Variants in ZDHHC11B observed in about 807,000 individuals in gnomAD.
The protein encoded by ZDHHC11B is zDHHC palmitoyltransferase 11B (putative).
Under a neutral mutation model 42.3 loss-of-function variants are expected in ZDHHC11B, and 17 were observed. That is an observed-to-expected ratio of 0.40 (90% CI 0.27 to 0.60). The LOEUF (loss-of-function observed/expected upper bound fraction) is 0.60. Among genes scored for constraint, ZDHHC11B ranks in the 20% least tolerant of loss-of-function variants. The pLI, the probability that ZDHHC11B is intolerant of heterozygous loss-of-function variation, is 0.41. For missense variants in ZDHHC11B, 262 were observed against 463.2 expected (o/e 0.57, Z 3.99); for synonymous variants, 123 against 193.5 (o/e 0.64, Z 3.02).
At chr5:777,949 G>C (rs1026494771) in intron 1 of ZDHHC11B, among the ~76,000 whole-genome samples, 12 of 151,864 alleles carry the variant, frequency 7.9e-5, no homozygotes, top group African/African-American at 2.9e-4. Flanking sequence ...GCGGTCGGCG[G>C]GTCCCGAGCC....
chr5:752,868 T>C (rs1745959599), intron 6 of ZDHHC11B, among the ~76,000 whole-genome samples: 1 of 119,840 alleles, frequency 8.3e-6, no homozygotes, highest in Admixed American at 1.0e-4. Context: ...ATCCTCATCC[T>C]ACTGTCTGGA....
At chr5:762,511 T>C (rs1401828966) in intron 4 of ZDHHC11B, among the ~76,000 whole-genome samples, 3 of 151,828 alleles carry the variant, frequency 2.0e-5, no homozygotes, top group East Asian at 1.9e-4. Context: ...AAGGGAACTT[T>C]AGCTGCACAA....
rs2335598 is a variant in ZDHHC11B, at chr5:751,659, T to G, written c.504-402A>C. On this transcript the variant is annotated intron_variant, in intron 6 of 13. Coordinates refer to ENST00000508859, the MANE Select transcript of ZDHHC11B (RefSeq NM_001351303.2). ...CGTGGGCGTCCACTTGAGAGAGGGC[T>G]CCTGGCCACTGCCCGATGCTGGCCT... Among the ~76,000 whole-genome samples the G allele has an allele frequency of 7.5e-4, 96 of 127,606 alleles. 15 individuals carry two copies. The highest frequency in any genetic ancestry group is 4.0e-3 in the Middle Eastern group (1 of 252). The allele number at this position is 127,606 out of a possible 152,430, so 83.7% of individuals were successfully genotyped here. A position where few individuals can be genotyped will look rare whatever the true frequency, so the allele number is the denominator to read the frequency against.
chr5:761,269 C>T (rs537821148), intron 4 of ZDHHC11B, among the ~76,000 whole-genome samples: 127 of 151,920 alleles, frequency 8.4e-4, no homozygotes, highest in Middle Eastern at 6.8e-3. Context: ...CCGTGCAGCA[C>T]AGGGTTAGTG....
At chr5:758,341 G>GC (rs1325884565) in intron 4 of ZDHHC11B, among the ~76,000 whole-genome samples, 1 of 151,912 alleles carries the variant, frequency 6.6e-6, no homozygotes, top group Non-Finnish European at 1.5e-5. Flanking sequence ...AGCAGGTGAA[G>GC]CTCAGGCTGA....
In ZDHHC11B at chr5:748,526, A is replaced by C; in HGVS notation, c.662T>G (p.Leu221Arg). 1.5e-6 allele frequency: 2 copies of C among 1,364,668 alleles called. No individual in the cohort carries two copies. The highest frequency in any genetic ancestry group is 2.0e-6 in the Non-Finnish European group (2 of 1,024,880). 84.5% of individuals were successfully genotyped at this position (1,364,668 alleles called of 1,614,324 possible). A position where few individuals can be genotyped will look rare whatever the true frequency, so the allele number is the denominator to read the frequency against. ...VKNMNTWLLF[L>R]PLFPVQVQTL... Reference sequence around the variant, plus strand: ...CTGCACCTGCACCGGGAACAGGGGGAGGAACAGCAGCCACGTGTTCATATT... The same window carrying C: ...CTGCACCTGCACCGGGAACAGGGGGCGGAACAGCAGCCACGTGTTCATATT... The change falls in exon 8 of 14, where the codon CTC becomes CGC. Residue 221 changes from leucine to arginine, a missense_variant. Coordinates refer to ENST00000508859, the MANE Select transcript of ZDHHC11B (RefSeq NM_001351303.2).
intron 13 of ZDHHC11B, among the ~76,000 whole-genome samples, chr5:715,679 T>C (rs564613752): frequency 6.6e-6 from 1 of 151,828 alleles, no homozygotes; most frequent in East Asian, 1.9e-4. Flanking sequence ...ACGCCTTTTT[T>C]CTAGAGAACA....
chr5:762,558 C>T (rs1331264797), intron 4 of ZDHHC11B, among the ~76,000 whole-genome samples: 9 of 151,814 alleles, frequency 5.9e-5, no homozygotes, highest in East Asian at 1.9e-4. Flanking sequence ...CCCAAATCCC[C>T]AGGGAGACAC....
chr5:766,665 C>T, intron 4 of ZDHHC11B, 33 bp downstream of exon 4: 2 of 1,575,576 alleles, frequency 1.3e-6, no homozygotes, highest in Non-Finnish European at 1.7e-6. Flanking sequence ...AGGAACCCCT[C>T]CCGCTTAGAC....
chr5:725,366 C>CCTGCTGTGTGAGGACAACCAGAGG (rs1742517470), intron 12 of ZDHHC11B, among the ~76,000 whole-genome samples: 15 of 139,054 alleles, frequency 1.1e-4, no homozygotes, highest in African/African-American at 2.2e-4. Flanking sequence ...TGGGACTTCC[C>CCTGCTGTGTGAGGACAACCAGAGG]AGGCTCTGGA....
Position 725,217 on chromosome 5 carries a change from G to A in ZDHHC11B, c.1058+5217C>T, listed in dbSNP as rs74185326. Among the ~76,000 whole-genome samples the A allele has an allele frequency of 2.8e-3, 388 of 140,818 alleles. 4 individuals carry two copies. Among genetic ancestry groups the A allele is most frequent in the African/African-American group, 0.011 (371 of 33,158 alleles). The allele number at this position is 140,818 out of a possible 152,430, so 92.4% of individuals were successfully genotyped here. On this transcript the variant is annotated intron_variant, in intron 12 of 13. Transcript: ENST00000508859. Reference sequence around the variant, plus strand: ...GCAGAGGAGGCCATCGGAGAACCAGGAAGGGGCTCTCATCAGACACCGGAT... The same window carrying A: ...GCAGAGGAGGCCATCGGAGAACCAGAAAGGGGCTCTCATCAGACACCGGAT...
chr5:717,560 G>A (rs112208271), intron 12 of ZDHHC11B, among the ~76,000 whole-genome samples: 4,516 of 150,722 alleles, frequency 0.03, 39 homozygotes, highest in African/African-American at 0.097. Flanking sequence ...TCAAAACAGC[G>A]TATCCATCAC....
At chr5:754,103 C>CGTCT (rs1561162490) in intron 6 of ZDHHC11B, among the ~76,000 whole-genome samples, 1 of 131,008 alleles carries the variant, frequency 7.6e-6, no homozygotes, top group African/African-American at 2.5e-5. Flanking sequence ...AGGGGAAACA[C>CGTCT]GTCTCATCTA....
At chr5:778,171 G>A (rs1441662282) in intron 1 of ZDHHC11B, among the ~76,000 whole-genome samples, 1 of 151,808 alleles carries the variant, frequency 6.6e-6, no homozygotes, top group African/African-American at 2.4e-5. Context: ...CACATGCCCA[G>A]CCAGTGCCCA....
At chr5:730,641 A>T (rs1208890325) in intron 11 of ZDHHC11B, among the ~76,000 whole-genome samples, 173 bp from the exon 12 acceptor site, 6 of 151,744 alleles carry the variant, frequency 4.0e-5, no homozygotes, top group Non-Finnish European at 8.8e-5. Flanking sequence ...CTTCCTCCCA[A>T]TCCTTGTATT....
intron 1 of ZDHHC11B, among the ~76,000 whole-genome samples, chr5:777,524 C>G (rs1282685834): frequency 1.3e-5 from 2 of 151,884 alleles, no homozygotes; most frequent in Admixed American, 6.6e-5. Context: ...AAACTTTCCA[C>G]AGCGGAGAAG....
chr5:732,551 G>A, intron 11 of ZDHHC11B: 1 of 405,438 alleles, frequency 2.5e-6, no homozygotes, highest in Non-Finnish European at 4.9e-6. Flanking sequence ...GTGCAGGCAA[G>A]GGGCAAGTCT....
intron 10 of ZDHHC11B, among the ~76,000 whole-genome samples, chr5:736,480 A>G (rs1189542116): frequency 1.3e-5 from 2 of 149,694 alleles, no homozygotes; most frequent in African/African-American, 4.9e-5. Flanking sequence ...CTTGACAGAT[A>G]TTTACAGAAC....
intron 12 of ZDHHC11B, among the ~76,000 whole-genome samples, chr5:729,949 G>A (rs1375807746): frequency 4.0e-5 from 6 of 150,678 alleles, no homozygotes; most frequent in Admixed American, 2.6e-4. Context: ...CCTTTAGAAT[G>A]TGTGCTTAAA....
Sources: gnomAD v4.1 joint callset for allele counts (sites outside exome capture counted in the v4.1 genomes callset) on GRCh38, gnomAD v4.1.1 for gene constraint, MANE v1.5 for transcripts, NCBI Gene and HGNC (gene_info 2026-07-23, HGNC 2026-07-21) for gene names.